The following PHACTR1 variants were observed in gnomAD, a reference collection of about 807,000 sequenced individuals.
PHACTR1 encodes RPEL repeat containing 1.
Under a neutral mutation model 69.2 loss-of-function variants are expected in PHACTR1, and 16 were observed. The observed-to-expected ratio is 0.23, with a 90% confidence interval of 0.16 to 0.35. The LOEUF (loss-of-function observed/expected upper bound fraction) is 0.35. PHACTR1 is among the 10% of genes least tolerant of loss of function. The pLI is 1.00. For synonymous variants in PHACTR1, 312 were observed against 284.5 expected (o/e 1.10, Z -0.97); for missense variants, 510 against 734.7 (o/e 0.69, Z 3.54).
chr6:13,062,963 G>A (rs769177327), intron 5 of PHACTR1, among the ~76,000 whole-genome samples: 25 of 152,168 alleles, frequency 1.6e-4, no homozygotes, highest in Non-Finnish European at 2.8e-4. Context: ...AGGCTCTTAC[G>A]TGCTTGAAAG....
chr6:12,962,661 C>G (rs914821301), intron 4 of PHACTR1, among the ~76,000 whole-genome samples: 4 of 152,184 alleles, frequency 2.6e-5, no homozygotes, highest in Admixed American at 1.3e-4. Context: ...TCTGTCAAAG[C>G]ACTGGTAGAT....
intron 4 of PHACTR1, among the ~76,000 whole-genome samples, chr6:12,906,575 A>G (rs1050622315): frequency 6.6e-6 from 1 of 152,230 alleles, no homozygotes; most frequent in African/African-American, 2.4e-5. Context: ...AAATAAATAC[A>G]TAAAAGGAGA....
chr6:13,235,455 C>T (rs1474689205), intron 10 of PHACTR1, among the ~76,000 whole-genome samples: 1 of 152,182 alleles, frequency 6.6e-6, no homozygotes, highest in African/African-American at 2.4e-5. Flanking sequence ...CAGAGCCATG[C>T]TTCTCAAAGT....
At chr6:13,071,366 T>C (rs1809496284) in intron 5 of PHACTR1, among the ~76,000 whole-genome samples, 1 of 151,998 alleles carries the variant, frequency 6.6e-6, no homozygotes. Flanking sequence ...AGGCAGAGGT[T>C]GCAGTGAGCC....
chr6:12,965,673 G>A (rs929839595), intron 4 of PHACTR1, among the ~76,000 whole-genome samples: 3 of 152,146 alleles, frequency 2.0e-5, no homozygotes, highest in Admixed American at 2.0e-4. Context: ...GTTAAATCCG[G>A]CATGGTTCAA....
chr6:12,778,303 C>G (rs1379755975), intron 4 of PHACTR1, among the ~76,000 whole-genome samples: 1 of 152,148 alleles, frequency 6.6e-6, no homozygotes, highest in African/African-American at 2.4e-5. Context: ...GTTAACAAAA[C>G]TAATTTAATG....
At chr6:12,852,424 CG>C (rs1233277449) in intron 4 of PHACTR1, among the ~76,000 whole-genome samples, 4 of 152,090 alleles carry the variant, frequency 2.6e-5, no homozygotes, top group Admixed American at 1.3e-4. Flanking sequence ...GAAGGCAGAA[CG>C]GGATGGTACA....
At chr6:12,921,954 C>CTG (rs1438556246) in intron 4 of PHACTR1, among the ~76,000 whole-genome samples, 2 of 152,188 alleles carry the variant, frequency 1.3e-5, no homozygotes, top group Non-Finnish European at 2.9e-5. Context: ...TACTCTCTCT[C>CTG]AGATTCATTC....
chr6:12,716,936 T>C (rs1187453996), intron 1 of PHACTR1, 40 bp downstream of exon 1: 1 of 151,310 alleles, frequency 6.6e-6, no homozygotes, highest in Middle Eastern at 3.2e-3. Context: ...CTTTCAAATA[T>C]CTTTTTGGCT....
chr6:12,820,265 C>T (rs1351101898), intron 4 of PHACTR1, among the ~76,000 whole-genome samples: 4 of 152,024 alleles, frequency 2.6e-5, no homozygotes, highest in African/African-American at 9.6e-5. Context: ...CACTGCACCC[C>T]CTGCCTCCAG....
At chr6:13,104,816 A>C (rs1815817377) in intron 5 of PHACTR1, among the ~76,000 whole-genome samples, 1 of 152,240 alleles carries the variant, frequency 6.6e-6, no homozygotes, top group African/African-American at 2.4e-5. Context: ...TTGGCTATGC[A>C]AAGATAAACC....
intron 3 of PHACTR1, among the ~76,000 whole-genome samples, chr6:12,740,127 T>G (rs978486858): frequency 5.9e-5 from 9 of 152,244 alleles, no homozygotes; most frequent in African/African-American, 2.2e-4. Context: ...CGACATCATA[T>G]CTAAGAGATT....
At chr6:12,822,941 C>T (rs1418422553) in intron 4 of PHACTR1, among the ~76,000 whole-genome samples, 2 of 152,142 alleles carry the variant, frequency 1.3e-5, no homozygotes, top group Non-Finnish European at 1.5e-5. Context: ...TTAACAATAA[C>T]ATCTGGGTCA....
intron 5 of PHACTR1, among the ~76,000 whole-genome samples, chr6:13,080,654 CT>C (rs1811225454): frequency 1.3e-5 from 2 of 152,116 alleles, no homozygotes; most frequent in Admixed American, 1.3e-4. Flanking sequence ...TGGGAATGAA[CT>C]CATTTGATCA....
At chr6:12,816,892 G>A (rs1000075970) in intron 4 of PHACTR1, among the ~76,000 whole-genome samples, 2 of 152,118 alleles carry the variant, frequency 1.3e-5, no homozygotes, top group Admixed American at 1.3e-4. Context: ...GCATCCACAC[G>A]GGGTCTAGCC....
In PHACTR1 at chr6:12,952,071, T is replaced by A. The variant is rs572715063; in HGVS notation, c.251-101294T>A. Reference sequence around the variant, plus strand: ...GACGTTCTCTGGTCCCTTCATATTTTAAAAAAACAGGCATGTGCTTTAGAG... The same window carrying A: ...GACGTTCTCTGGTCCCTTCATATTTAAAAAAAACAGGCATGTGCTTTAGAG... On this transcript the variant is annotated intron_variant, in intron 4 of 14. Transcript: ENST00000332995. Among the ~76,000 whole-genome samples, 99 of 152,230 alleles carry A rather than the reference T, an allele frequency of 6.5e-4. 1 individual carries two copies. Among genetic ancestry groups the A allele is most frequent in the African/African-American group, 2.3e-3 (94 of 41,536 alleles).
intron 9 of PHACTR1, among the ~76,000 whole-genome samples, chr6:13,229,713 C>T (rs1240382799): frequency 6.6e-6 from 1 of 152,194 alleles, no homozygotes; most frequent in East Asian, 1.9e-4. Context: ...TTGCTAAAAG[C>T]CTCTGTCCTA....
chr6:13,006,576 T>C (rs888138967), intron 4 of PHACTR1, among the ~76,000 whole-genome samples: 7 of 151,182 alleles, frequency 4.6e-5, no homozygotes, highest in Non-Finnish European at 1.0e-4. Flanking sequence ...ATACACACCT[T>C]ATATTAAATA....
chr6:13,248,900 C>T (rs1455228516), intron 10 of PHACTR1, among the ~76,000 whole-genome samples: 3 of 152,114 alleles, frequency 2.0e-5, no homozygotes, highest in African/African-American at 4.8e-5. Flanking sequence ...ATCAAAATCG[C>T]GTGCCAACTA....
Sources: allele counts gnomAD v4.1 joint callset (sites outside exome capture counted in the v4.1 genomes callset), GRCh38; gene constraint gnomAD v4.1.1; transcripts MANE v1.5; gene names NCBI Gene and HGNC (gene_info 2026-07-23, HGNC 2026-07-21).